The following ABCC4 variants were observed in gnomAD, a reference collection of about 807,000 sequenced individuals.
ABCC4 encodes ATP-binding cassette sub-family C member 4.
A neutral mutation model predicts 168.5 loss-of-function variants in ABCC4; 102 were observed. That is an observed-to-expected ratio of 0.61 (90% CI 0.52 to 0.71). The LOEUF (loss-of-function observed/expected upper bound fraction) is 0.71, where lower values mean the gene tolerates loss of function less well. ABCC4 is among the 30% of genes least tolerant of loss of function. The pLI, the probability that ABCC4 is intolerant of heterozygous loss-of-function variation, is 0.00. For missense variants in ABCC4, 1,402 were observed against 1,605.8 expected (o/e 0.87, Z 2.17); for synonymous variants, 617 against 590.7 (o/e 1.04, Z -0.65).
Position 95,071,775 on chromosome 13 carries a change from G to C in ABCC4, c.3097C>G (p.Pro1033Ala). 6.2e-7 allele frequency: 1 copy of C among 1,608,678 alleles called. No individual in the cohort carries two copies. The highest frequency in any genetic ancestry group is 8.5e-7 in the Non-Finnish European group (1 of 1,177,478). ...ATCACTCCTTCATGGGGCCAGGCTG[G>C]TGGTGGGCGTTTCTGATATTCCCAA... ...APWEYQKRPPPAWPHEGVIIF... is the reference protein window; with the variant it reads ...APWEYQKRPPAAWPHEGVIIF... Residue 1033 changes from proline to alanine, a missense_variant, in exon 25 of 31, where the codon CCA (proline) becomes GCA (alanine). By Grantham distance (27) the Pro-to-Ala change is conservative. This residue lies in a region of ABCC4 where 1,007 missense variants were observed against 1,127.3 expected (regional missense o/e 0.89). Coordinates refer to ENST00000645237, the MANE Select transcript of ABCC4 (RefSeq NM_005845.5).
chr13:95,084,342 C>G (rs905823261), intron 20 of ABCC4, among the ~76,000 whole-genome samples: 1 of 152,164 alleles, frequency 6.6e-6, no homozygotes, highest in Non-Finnish European at 1.5e-5. Flanking sequence ...TTTAGCTTGT[C>G]CCCAGCATAC....
At position 95,181,135 on chromosome 13, in the gene ABCC4, C is replaced by T. The variant is rs2037875015; in HGVS notation, c.1546-3044G>A. The stretch of plus-strand genomic sequence containing the variant: ...ATTAACCAATTATTTAATCTACCAC[C>T]ACCTTTACTGAAATGCAGACACAGA... On this transcript the variant is annotated intron_variant, in intron 11 of 30. Coordinates refer to ENST00000645237, the MANE Select transcript of ABCC4 (RefSeq NM_005845.5). 2.0e-5 allele frequency among the ~76,000 whole-genome samples: 3 copies of T among 152,340 alleles called. No individual in the cohort carries two copies. The South Asian group carries it at 6.2e-4, about 32-fold the overall frequency.
chr13:95,113,203 C>G (rs773719660), intron 20 of ABCC4, among the ~76,000 whole-genome samples: 6 of 152,166 alleles, frequency 3.9e-5, no homozygotes, highest in Admixed American at 6.5e-5. Context: ...TCCTTCCCCC[C>G]TAAAAGATCA....
At chr13:95,099,764 G>A (rs914554480) in intron 20 of ABCC4, among the ~76,000 whole-genome samples, 15 of 152,046 alleles carry the variant, frequency 9.9e-5, no homozygotes, top group Admixed American at 6.6e-4. Context: ...CGGCACTATC[G>A]GCTTCATGAC....
intron 4 of ABCC4, among the ~76,000 whole-genome samples, chr13:95,233,063 G>A (rs1443632094): frequency 2.6e-5 from 4 of 152,094 alleles, no homozygotes; most frequent in Non-Finnish European, 5.9e-5. Flanking sequence ...AACACACACA[G>A]ATTTTTTTCT....
chr13:95,037,084 C>CAAA (rs57294033), intron 29 of ABCC4, among the ~76,000 whole-genome samples: 17,885 of 105,484 alleles, frequency 0.17, 1,946 homozygotes, highest in East Asian at 0.47. Flanking sequence ...ACTCTGTGTC[C>CAAA]AAAAAAAAAA....
At chr13:95,122,313 A>C (rs1326843820) in intron 19 of ABCC4, among the ~76,000 whole-genome samples, 1 of 152,214 alleles carries the variant, frequency 6.6e-6, no homozygotes, top group African/African-American at 2.4e-5. Flanking sequence ...GTATCTAAAT[A>C]AACTAAACAG....
At chr13:95,068,691 AT>A (rs1188012642) in intron 25 of ABCC4, among the ~76,000 whole-genome samples, 1 of 152,170 alleles carries the variant, frequency 6.6e-6, no homozygotes, top group Non-Finnish European at 1.5e-5. Flanking sequence ...ATCTCAGGTA[AT>A]CCTATGATTT....
intron 1 of ABCC4, among the ~76,000 whole-genome samples, chr13:95,273,437 A>G (rs2040892209): frequency 6.6e-6 from 1 of 152,104 alleles, no homozygotes; most frequent in African/African-American, 2.4e-5. Flanking sequence ...GTGAGTCTTT[A>G]GCCCACCTAG....
At chr13:95,073,093 T>C (rs2033787655) in intron 24 of ABCC4, 111 bp downstream of exon 24, 2 of 788,688 alleles carry the variant, frequency 2.5e-6, no homozygotes, top group African/African-American at 1.8e-5. Flanking sequence ...AAAAAAAATC[T>C]GTTACCAAAG....
At position 95,297,268 on chromosome 13, in the gene ABCC4, T is replaced by TAAAAAA. The variant is rs10652333; in HGVS notation, c.74+3967_74+3972dup. ...GCAACAGAGCTAAAACTCTGTCTCATAAAAAAAAAAAAGAAAGAAAAAAGA... is the reference window on the plus strand; with the variant it reads ...GCAACAGAGCTAAAACTCTGTCTCATAAAAAAAAAAAAAAAAAAGAAAGAAAAAAGA... On this transcript the variant is annotated intron_variant, in intron 1 of 30. Coordinates refer to ENST00000645237, the MANE Select transcript of ABCC4 (RefSeq NM_005845.5). Among the ~76,000 whole-genome samples the TAAAAAA allele has an allele frequency of 1.2e-4, 17 of 140,310 alleles. 1 individual carries two copies. In the South Asian group the frequency reaches 3.4e-3, roughly 28 times the overall value. The allele number at this position is 140,310 out of a possible 152,430, so 92.0% of individuals were successfully genotyped here.
At chr13:95,059,527 G>A (rs1461591728) in intron 26 of ABCC4, among the ~76,000 whole-genome samples, 1 of 152,196 alleles carries the variant, frequency 6.6e-6, no homozygotes, top group African/African-American at 2.4e-5. Context: ...TGAGAGTGGT[G>A]AGGAATGCCG....
intron 1 of ABCC4, among the ~76,000 whole-genome samples, chr13:95,291,471 T>C (rs936607703): frequency 6.6e-6 from 1 of 152,114 alleles, no homozygotes; most frequent in Non-Finnish European, 1.5e-5. Flanking sequence ...GCCAAGTTAA[T>C]CTAGCAACCA....
At position 95,053,172 on chromosome 13, in the gene ABCC4, A is replaced by AC. The variant is rs2032911664; in HGVS notation, c.3378dup (p.Phe1127ValfsTer13). Reference sequence around the variant, plus strand: ...AGGTTTTTCCTCATTGTTCCAGTGAACAAAACAGGTTCCTAAGTGCCCAAA... The same window carrying AC: ...AGGTTTTTCCTCATTGTTCCAGTGAACCAAAACAGGTTCCTAAGTGCCCAAA... On this transcript the variant is annotated frameshift_variant, in exon 27 of 31. Transcript: ENST00000645237. LOFTEE classifies it high-confidence loss of function. The AC allele has an allele frequency of 6.2e-7, 1 of 1,614,158 alleles. No individual in the cohort carries two copies. Among genetic ancestry groups the AC allele is most frequent in the East Asian group, 2.2e-5 (1 of 44,864 alleles).
intron 30 of ABCC4, among the ~76,000 whole-genome samples, chr13:95,024,201 T>C (rs1366945715): frequency 1.7e-5 from 2 of 114,670 alleles, no homozygotes; most frequent in African/African-American, 3.4e-5. Flanking sequence ...AGTGAGAGAC[T>C]GTCTCAAAAA....
chr13:95,117,019 C>G, intron 19 of ABCC4, among the ~76,000 whole-genome samples: 1 of 152,152 alleles, frequency 6.6e-6, no homozygotes, highest in East Asian at 1.9e-4. Flanking sequence ...AGCTGCCTCC[C>G]GCTGCTGGGG....
chr13:95,225,163 A>T (rs1175890329), intron 4 of ABCC4, among the ~76,000 whole-genome samples: 3,184 of 54,934 alleles, frequency 0.058, 100 homozygotes, highest in African/African-American at 0.13. Flanking sequence ...TCACACACAC[A>T]CACACACACA....
At position 95,053,195 on chromosome 13, in the gene ABCC4, A is replaced by C; in HGVS notation, c.3367-11T>G. ...GAACAAAACAGGTTCCTAAGTGCCC[A>C]AAATAGTCACGGTCATTACCACAGA... On this transcript the variant is annotated splice_polypyrimidine_tract_variant and intron_variant, in intron 26 of 30. Coordinates refer to ENST00000645237, the MANE Select transcript of ABCC4 (RefSeq NM_005845.5). The C allele has an allele frequency of 6.2e-7, 1 of 1,610,676 alleles. No homozygotes were observed. The highest frequency in any genetic ancestry group is 8.5e-7 in the Non-Finnish European group (1 of 1,176,792).
At chr13:95,147,389 T>C (rs563668345) in intron 19 of ABCC4, among the ~76,000 whole-genome samples, 2 of 152,282 alleles carry the variant, frequency 1.3e-5, no homozygotes, top group South Asian at 4.2e-4. Context: ...AGAAATCTCA[T>C]TTTCTTCCCA....
Sources: allele counts gnomAD v4.1 joint callset (sites outside exome capture counted in the v4.1 genomes callset), GRCh38; gene constraint gnomAD v4.1.1; regional missense constraint gnomAD v4.1.1; transcripts MANE v1.5; gene names NCBI Gene and HGNC (gene_info 2026-07-23, HGNC 2026-07-21).